Variants in ATM observed in about 807,000 individuals in gnomAD.
ATM encodes the protein serine-protein kinase ATM.
In ATM, 308 loss-of-function variants were observed where a neutral mutation model predicts 387.0. The ratio of observed to expected loss-of-function variants is 0.80; its 90% CI spans 0.73 to 0.87. The LOEUF is 0.87. Ranked by LOEUF, ATM falls within the 40% of genes least tolerant of loss-of-function variation. The pLI is 0.00. For synonymous variants in ATM, 1,156 were observed against 1,187.3 expected (o/e 0.97, Z 0.54); for missense variants, 3,312 against 3,560.9 (o/e 0.93, Z 1.78).
chr11:108,308,544 G>A, intron 38 of ATM: 1 of 187,912 alleles, frequency 5.3e-6, no homozygotes, highest in Non-Finnish European at 1.1e-5. Context: ...AGTGCATACA[G>A]AAATTGCTAG....
At chr11:108,311,470 A>T (rs554289033) in intron 39 of ATM, among the ~76,000 whole-genome samples, 49 of 152,132 alleles carry the variant, frequency 3.2e-4, no homozygotes, top group Admixed American at 2.0e-3. Context: ...CCAAAGTGAG[A>T]GGATTACTTG....
At position 108,281,121 on chromosome 11, in the gene ATM, T is replaced by C. The variant is rs2135669298; in HGVS notation, c.3529T>C (p.Cys1177Arg). The C allele has an allele frequency of 6.2e-7, 1 of 1,614,038 alleles. No homozygotes were observed. Among genetic ancestry groups the C allele is most frequent in the East Asian group, 2.2e-5 (1 of 44,836 alleles). ...ICEKQALFAL[C>R]KSVKENGLEP... ...CGAAAAACAGGCTTTGTTTGCCCTGTGTAAATCTGTGAAAGAGAATGGATT... is the reference window on the plus strand; with the variant it reads ...CGAAAAACAGGCTTTGTTTGCCCTGCGTAAATCTGTGAAAGAGAATGGATT... Residue 1177 changes from cysteine to arginine, a missense_variant, in exon 24 of 63, where the codon TGT (cysteine) becomes CGT (arginine). Physicochemically the swap from Cys to Arg is radical, Grantham distance 180. This residue lies in a region of ATM where 1,791 missense variants were observed against 1,804.5 expected (regional missense o/e 0.99). Transcript: ENST00000675843.
rs876659834 is a variant in ATM, at chr11:108,329,197, G to A, written c.7266G>A (p.Glu2422=). The A allele has an allele frequency of 2.5e-6, 4 of 1,613,882 alleles. No individual in the cohort carries two copies. The highest frequency in any genetic ancestry group is 3.4e-6 in the Non-Finnish European group (4 of 1,179,950). ...NKQALLKRAK[E]EVGLLREHKI... Reference sequence around the variant, plus strand: ...AAGCTCTCCTGAAAAGAGCCAAAGAGGAAGTAGGTCTCCTTAGGGAACATA... The same window carrying A: ...AAGCTCTCCTGAAAAGAGCCAAAGAAGAAGTAGGTCTCCTTAGGGAACATA... Residue 2422 remains glutamate, a synonymous_variant, in exon 49 of 63, where the codon GAG becomes GAA. Transcript: ENST00000675843.
intron 38 of ATM, 26 bp downstream of exon 38, chr11:108,308,010 C>A (rs78330259): frequency 1.3e-6 from 2 of 1,571,840 alleles, no homozygotes; most frequent in Non-Finnish European, 1.8e-6. Context: ...TTGCTTCTTA[C>A]GTTTAGGATC....
At chr11:108,235,586 T>A in intron 4 of ATM, 84 bp from the exon 5 acceptor site, 1 of 1,263,684 alleles carries the variant, frequency 7.9e-7, no homozygotes, top group South Asian at 1.3e-5. Flanking sequence ...ATTTCCCAAA[T>A]GGAATTATTT....
At position 108,368,693 on chromosome 11, in the gene ATM, G is replaced by T. The variant is rs2091455036; in HGVS notation, c.*3185G>T. 1 of 216,900 alleles carries T rather than the reference G, an allele frequency of 4.6e-6. No individual in the cohort carries two copies. The highest frequency in any genetic ancestry group is 9.3e-6 in the Non-Finnish European group (1 of 107,814). 13.4% of individuals were successfully genotyped at this position (216,900 alleles called of 1,614,324 possible). Reference sequence around the variant, plus strand: ...CAGAGAAGCTAATAAATTATAGACTGCTTGAACAGTTGTGTCCAGATTAAG... The same window carrying T: ...CAGAGAAGCTAATAAATTATAGACTTCTTGAACAGTTGTGTCCAGATTAAG... On this transcript the variant is annotated 3_prime_UTR_variant, in exon 63 of 63. Transcript: ENST00000675843.
rs374551964 is a variant in ATM at position 108,321,399 on chromosome 11, G to C, written c.6551G>C (p.Ser2184Thr). 48 of 1,614,046 alleles carry C rather than the reference G, an allele frequency of 3.0e-5. No individual in the cohort carries two copies. Among genetic ancestry groups the C allele is most frequent in the Non-Finnish European group, 4.0e-5 (47 of 1,180,024 alleles). ...TTGCAGGCCATTGGAGAGCTGGAAAGCATTGGGGAGCTTTTCTCAAGGTAT... is the reference window on the plus strand; with the variant it reads ...TTGCAGGCCATTGGAGAGCTGGAAACCATTGGGGAGCTTTTCTCAAGGTAT... ...SRLQAIGELE[S>T]IGELFSRSVT... Residue 2184 changes from serine to threonine, a missense_variant, in exon 45 of 63, where the codon AGC becomes ACC. Ser to Thr is a moderately conservative substitution (Grantham distance 58). Coordinates refer to ENST00000675843, the MANE Select transcript of ATM (RefSeq NM_000051.4).
At chr11:108,358,273 C>T (rs1315982883) in intron 61 of ATM, among the ~76,000 whole-genome samples, 1 of 147,652 alleles carries the variant, frequency 6.8e-6, no homozygotes, top group Non-Finnish European at 1.5e-5. Context: ...TGAGCAAAGC[C>T]TCCAAGAAAT....
chr11:108,251,066 C>T lies in ATM; in HGVS notation c.1601C>T (p.Pro534Leu), dbSNP rs587782212. The change falls in exon 10 of 63, where the codon CCT becomes CTT. Residue 534 changes from proline (P) to leucine (L), a missense_variant. Around this residue, in one of 4 missense-constraint regions of ATM, gnomAD observed 1,791 missense variants for 1,804.5 expected, o/e 0.99. Transcript: ENST00000675843. The part of the protein sequence containing the change: ...WKLFTGSACR[P>L]SCPAVCCLTL... ...TTATTTACTGGGTCAGCCTGCAGAC[C>T]TTCATGGTAAGTTCAGCATGCATTA... 6.2e-7 allele frequency: 1 copy of T among 1,613,828 alleles called. No individual in the cohort carries two copies. The highest frequency in any genetic ancestry group is 8.5e-7 in the Non-Finnish European group (1 of 1,180,010).
At chr11:108,275,556 G>A (rs185968895) in intron 22 of ATM, among the ~76,000 whole-genome samples, 5 of 152,248 alleles carry the variant, frequency 3.3e-5, no homozygotes, top group Non-Finnish European at 7.4e-5. Flanking sequence ...AGGCAGGCCT[G>A]GTGGTGACAA....
intron 4 of ATM, among the ~76,000 whole-genome samples, chr11:108,232,527 C>CCTTTTTTTTTTTTTTT (rs2079062867): frequency 3.4e-5 from 2 of 58,178 alleles, no homozygotes; most frequent in African/African-American, 1.3e-4. Flanking sequence ...GATTTCTCTC[C>CCTTTTTTTTTTTTTTT]TTTTTTTTTT....
Position 108,242,378 on chromosome 11 carries a change from G to A in ATM, c.497-1575G>A, listed in dbSNP as rs4987914. Reference sequence around the variant, plus strand: ...TAAAGCCTTTCATAAGACAAATTGGGAACAAGATAAGGATGTGCACTCTCA... The same window carrying A: ...TAAAGCCTTTCATAAGACAAATTGGAAACAAGATAAGGATGTGCACTCTCA... On this transcript the variant is annotated intron_variant, in intron 5 of 62. Coordinates refer to ENST00000675843, the MANE Select transcript of ATM (RefSeq NM_000051.4). 9.3e-3 allele frequency among the ~76,000 whole-genome samples: 1,411 copies of A among 152,208 alleles called. 23 individuals carry two copies. Among genetic ancestry groups the A allele is most frequent in the African/African-American group, 0.032 (1,310 of 41,536 alleles).
chr11:108,243,289 T>C (rs951111748), intron 5 of ATM, among the ~76,000 whole-genome samples: 1 of 151,900 alleles, frequency 6.6e-6, no homozygotes, highest in African/African-American at 2.4e-5. Flanking sequence ...ATTTTTTGCA[T>C]ATTATTAATC....
chr11:108,353,885 G>GTGAT lies in ATM; in HGVS notation c.8786+6_8786+9dup, dbSNP rs1312735736. 3 of 1,605,124 alleles carry GTGAT rather than the reference G, an allele frequency of 1.9e-6. No individual in the cohort carries two copies. The highest frequency in any genetic ancestry group is 1.7e-4 in the Middle Eastern group (1 of 6,056). On this transcript the variant is annotated splice_donor_region_variant and intron_variant, in intron 60 of 62. Coordinates refer to ENST00000675843, the MANE Select transcript of ATM (RefSeq NM_000051.4). ...TGTTGAAGGTGTCTTCAGAAGGTAA[G>GTGAT]TGATATGAAGTAAAGGAGGGAAATA...
rs1398852129 is a variant in ATM, at chr11:108,336,656, G to A, written c.8268+695G>A. ...TTGAACATACAAATTTCATACATGCGCAGGCAAATTTGTAGCATGGATTTC... is the reference window on the plus strand; with the variant it reads ...TTGAACATACAAATTTCATACATGCACAGGCAAATTTGTAGCATGGATTTC... On this transcript the variant is annotated intron_variant, in intron 56 of 62. Transcript: ENST00000675843. Among the ~76,000 whole-genome samples, 4 of 152,256 alleles carry A rather than the reference G, an allele frequency of 2.6e-5. No homozygotes were observed. In the East Asian group the frequency reaches 5.8e-4, roughly 22 times the overall value.
rs1041964708 is a variant in ATM at position 108,268,163 on chromosome 11, A to G, written c.2639-247A>G. On this transcript the variant is annotated intron_variant, in intron 17 of 62. Transcript: ENST00000675843. ...TTAGATTCTTTTCTATTTTCCTACA[A>G]TAAACATTATTGCAATGATCATTTG... is the stretch of plus-strand genomic sequence containing the variant. Among the ~76,000 whole-genome samples, 5 of 152,282 alleles carry G rather than the reference A, an allele frequency of 3.3e-5. No individual in the cohort carries two copies. The East Asian group carries it at 5.8e-4, about 18-fold the overall frequency.
chr11:108,257,332 C>A, intron 14 of ATM, 149 bp from the exon 15 acceptor site: 1 of 958,404 alleles, frequency 1.0e-6, no homozygotes, highest in Non-Finnish European at 1.5e-6. Context: ...TGTATGACTA[C>A]GTGGAACTTC....
rs2084768549 is a variant in ATM at position 108,317,348 on chromosome 11, T to TA, written c.6199-20dup. On this transcript the variant is annotated intron_variant, in intron 42 of 62. Coordinates refer to ENST00000675843, the MANE Select transcript of ATM (RefSeq NM_000051.4). ...TGTTGATATCTTTGATTACTTAACTTAAAAACAAAATAACTCCTGTTTAGG... is the reference window on the plus strand; with the variant it reads ...TGTTGATATCTTTGATTACTTAACTTAAAAAACAAAATAACTCCTGTTTAGG... The TA allele has an allele frequency of 2.5e-6, 4 of 1,605,632 alleles. No individual in the cohort carries two copies. The highest frequency in any genetic ancestry group is 3.4e-6 in the Non-Finnish European group (4 of 1,174,476).
rs777125155 is a variant in ATM at position 108,331,519 on chromosome 11, A to G, written c.7591A>G (p.Met2531Val). 2 of 1,613,436 alleles carry G rather than the reference A, an allele frequency of 1.2e-6. No homozygotes were observed. Among genetic ancestry groups the G allele is most frequent in the Non-Finnish European group, 1.7e-6 (2 of 1,179,726 alleles). ...ATTGGCTGCTAGAATGGGGACCAAG[A>G]TGATGGGAGGCCTAGGATTTCATGA... ...YQLAARMGTK[M>V]MGGLGFHEVL... The change falls in exon 51 of 63, where the codon ATG becomes GTG. Residue 2531 changes from methionine to valine, a missense_variant. By Grantham distance (21) the Met-to-Val change is conservative. Transcript: ENST00000675843.
Sources: allele counts gnomAD v4.1 joint callset (sites outside exome capture counted in the v4.1 genomes callset), GRCh38; gene constraint gnomAD v4.1.1; regional missense constraint gnomAD v4.1.1; transcripts MANE v1.5; gene names NCBI Gene and HGNC (gene_info 2026-07-23, HGNC 2026-07-21).